The following ANKRD55 variants were observed in gnomAD, a reference collection of about 807,000 sequenced individuals.
ANKRD55 encodes ankyrin repeat domain 55.
ANKRD55 carries 41 observed loss-of-function variants against 60.6 expected under a neutral mutation model. The ratio of observed to expected loss-of-function variants is 0.68; its 90% confidence interval spans 0.53 to 0.88. The LOEUF is 0.88. Ranked by LOEUF, ANKRD55 falls within the 40% of genes least tolerant of loss-of-function variation. The probability of loss-of-function intolerance (pLI) is 0.00; values close to 1 mark genes in which losing one functional copy is unlikely to be tolerated. For missense variants in ANKRD55, 732 were observed against 767.6 expected (o/e 0.95, Z 0.55); for synonymous variants, 264 against 290.3 (o/e 0.91, Z 0.92).
intron 2 of ANKRD55, among the ~76,000 whole-genome samples, chr5:56,187,310 C>T (rs781149425): frequency 3.3e-5 from 5 of 152,184 alleles, no homozygotes; most frequent in African/African-American, 4.8e-5. Flanking sequence ...CTCACTAAAA[C>T]GCTCATTAGG....
chr5:56,177,948 A>G (rs1019526676), intron 3 of ANKRD55, among the ~76,000 whole-genome samples: 1 of 152,174 alleles, frequency 6.6e-6, no homozygotes, highest in Non-Finnish European at 1.5e-5. Context: ...TCCATGTTAT[A>G]ATTTTTCATC....
chr5:56,154,106 C>T (rs750968338), intron 6 of ANKRD55, among the ~76,000 whole-genome samples: 11 of 142,444 alleles, frequency 7.7e-5, no homozygotes, highest in East Asian at 2.2e-4. Flanking sequence ...CCAGCTACTT[C>T]GGAGGCTGAG....
chr5:56,140,690 A>G (rs1246023740), intron 7 of ANKRD55, among the ~76,000 whole-genome samples: 8 of 152,200 alleles, frequency 5.3e-5, no homozygotes, highest in African/African-American at 1.9e-4. Flanking sequence ...AGCACCCATT[A>G]ATATGAATTC....
chr5:56,165,780 T>A (rs1758431562), intron 5 of ANKRD55, among the ~76,000 whole-genome samples: 1 of 151,892 alleles, frequency 6.6e-6, no homozygotes, highest in Admixed American at 6.6e-5. Flanking sequence ...AAATACAAAA[T>A]TTTCCGGGCA....
At chr5:56,151,858 T>C (rs1218788923) in intron 6 of ANKRD55, among the ~76,000 whole-genome samples, 1 of 150,210 alleles carries the variant, frequency 6.7e-6, no homozygotes, top group African/African-American at 2.4e-5. Flanking sequence ...TGTATATATA[T>C]GTATATATAC....
At chr5:56,202,543 G>A (rs1211255146) in intron 2 of ANKRD55, among the ~76,000 whole-genome samples, 1 of 152,206 alleles carries the variant, frequency 6.6e-6, no homozygotes, top group Non-Finnish European at 1.5e-5. Context: ...TCAGTCATAT[G>A]AGAAGAAGAG....
intron 7 of ANKRD55, among the ~76,000 whole-genome samples, chr5:56,139,970 G>A (rs994072284): frequency 6.6e-6 from 1 of 152,178 alleles, no homozygotes; most frequent in South Asian, 2.1e-4. Context: ...TAGGGAGGCC[G>A]AGTGGTAGAA....
chr5:56,170,625 G>T (rs760330775), intron 5 of ANKRD55, 69 bp downstream of exon 5: 13 of 1,281,042 alleles, frequency 1.0e-5, no homozygotes, highest in Admixed American at 1.8e-5. Context: ...CAGAGGGATG[G>T]ATTAGATGAC....
rs749316085 is a variant in ANKRD55, at chr5:56,176,204, A to G, written c.260T>C (p.Ile87Thr). Residue 87 changes from isoleucine to threonine, a missense_variant, in exon 4 of 12, where the codon ATT (isoleucine) becomes ACT (threonine). Ile to Thr is a moderately conservative substitution (Grantham distance 89). Coordinates refer to ENST00000341048, the MANE Select transcript of ANKRD55 (RefSeq NM_024669.3). The stretch of plus-strand genomic sequence containing the variant: ...GCGGCCATAAGCATCCTGCATGTTA[A>G]TATTGGCTCCCATCTTCAACAGCAG... ...VKLLLKMGAN[I>T]NMQDAYGRTS... 20 of 1,614,080 alleles carry G rather than the reference A, an allele frequency of 1.2e-5. No individual in the cohort carries two copies. The highest frequency in any genetic ancestry group is 6.7e-5 in the Admixed American group (4 of 60,000).
chr5:56,131,460 A>T (rs1392876447), intron 7 of ANKRD55, among the ~76,000 whole-genome samples: 1 of 152,152 alleles, frequency 6.6e-6, no homozygotes, highest in East Asian at 1.9e-4. Context: ...ACAAAAATTG[A>T]GGGAATTTGT....
intron 6 of ANKRD55, among the ~76,000 whole-genome samples, chr5:56,152,423 A>G (rs760446988): frequency 1.8e-4 from 28 of 152,122 alleles, no homozygotes; most frequent in Non-Finnish European, 3.5e-4. Flanking sequence ...AATATATCCT[A>G]AACAATATAT....
chr5:56,154,584 G>GTTT (rs368083555), intron 6 of ANKRD55, among the ~76,000 whole-genome samples: 3,424 of 134,672 alleles, frequency 0.025, 174 homozygotes, highest in African/African-American at 0.086. Context: ...TAGTTTTAAA[G>GTTT]TTTTTTTTTT....
intron 10 of ANKRD55, among the ~76,000 whole-genome samples, chr5:56,103,500 C>A (rs768197275): frequency 5.3e-5 from 8 of 152,242 alleles, no homozygotes; most frequent in Middle Eastern, 3.4e-3. Flanking sequence ...TGAATAGGAG[C>A]TTGGTTGGGC....
chr5:56,135,290 G>GCTTTCTTT (rs753607878), intron 7 of ANKRD55, among the ~76,000 whole-genome samples: 101 of 69,318 alleles, frequency 1.5e-3, no homozygotes, highest in East Asian at 3.9e-3. Flanking sequence ...CTGCCTGCCT[G>GCTTTCTTT]CTTGCTTTCT....
At chr5:56,188,455 T>C (rs937313379) in intron 2 of ANKRD55, among the ~76,000 whole-genome samples, 1 of 152,212 alleles carries the variant, frequency 6.6e-6, no homozygotes, top group Non-Finnish European at 1.5e-5. Flanking sequence ...GTTTCATGTC[T>C]TACATTTAAA....
intron 2 of ANKRD55, among the ~76,000 whole-genome samples, chr5:56,215,966 G>A (rs1446492147): frequency 1.3e-5 from 2 of 149,182 alleles, no homozygotes; most frequent in African/African-American, 2.5e-5. Context: ...ACATCTTGGT[G>A]GCTGAGAAGC....
At chr5:56,132,547 C>T (rs1320408070) in intron 7 of ANKRD55, among the ~76,000 whole-genome samples, 4 of 146,786 alleles carry the variant, frequency 2.7e-5, no homozygotes, top group Non-Finnish European at 5.9e-5. Context: ...GCAGAGATCG[C>T]GCCACTGCAC....
chr5:56,207,114 C>G (rs1263251061), intron 2 of ANKRD55, among the ~76,000 whole-genome samples: 2 of 152,216 alleles, frequency 1.3e-5, no homozygotes, highest in African/African-American at 4.8e-5. Context: ...TCCCCTTCCC[C>G]CCTTGGAAGT....
chr5:56,199,584 T>TAA (rs199547715), intron 2 of ANKRD55, among the ~76,000 whole-genome samples: 53 of 140,120 alleles, frequency 3.8e-4, no homozygotes, highest in African/African-American at 9.9e-4. Flanking sequence ...TGTTCAAAGT[T>TAA]AAAAAAAAAA....
Sources: gnomAD v4.1 joint callset for allele counts (sites outside exome capture counted in the v4.1 genomes callset) on GRCh38, gnomAD v4.1.1 for gene constraint, MANE v1.5 for transcripts, NCBI Gene and HGNC (gene_info 2026-07-23, HGNC 2026-07-21) for gene names.